The following CHIA variants were observed in gnomAD, a reference collection of about 807,000 sequenced individuals.
The protein encoded by CHIA is acidic mammalian chitinase.
CHIA carries 47 observed loss-of-function variants against 53.5 expected under a neutral mutation model. The ratio of observed to expected loss-of-function variants is 0.88; its 90% CI spans 0.70 to 1.12. The LOEUF (loss-of-function observed/expected upper bound fraction) is 1.12. Ranked by LOEUF, CHIA falls within the 50% of genes most tolerant of loss-of-function variation. The pLI is 0.00. For synonymous variants in CHIA, 268 were observed against 222.2 expected (o/e 1.21, Z -1.83); for missense variants, 652 against 592.2 (o/e 1.10, Z -1.05).
intron 1 of CHIA, among the ~76,000 whole-genome samples, chr1:111,303,269 A>G (rs1361372729): frequency 6.6e-6 from 1 of 152,072 alleles, no homozygotes; most frequent in Non-Finnish European, 1.5e-5. Context: ...ACTGATAAAG[A>G]GGGAATTATT....
At chr1:111,315,018 T>G in intron 5 of CHIA, 2 of 459,264 alleles carry the variant, frequency 4.4e-6, no homozygotes, top group South Asian at 3.4e-5. Flanking sequence ...GTTTGCCAGG[T>G]ATCCAAAGAA....
intron 1 of CHIA, among the ~76,000 whole-genome samples, chr1:111,295,508 A>C (rs1009375726): frequency 6.6e-6 from 1 of 152,234 alleles, no homozygotes; most frequent in African/African-American, 2.4e-5. Flanking sequence ...TAAAAGCCTC[A>C]TAATCCAACC....
chr1:111,300,342 C>T (rs916927193), intron 1 of CHIA, among the ~76,000 whole-genome samples: 16 of 152,162 alleles, frequency 1.1e-4, no homozygotes, highest in Admixed American at 7.2e-4. Flanking sequence ...TACTACAAGG[C>T]TACAGTAACC....
rs779690824 is a variant in CHIA at position 111,319,132 on chromosome 1, C to T, written c.928C>T (p.Leu310=). The change falls in exon 10 of 12, where the codon CTG becomes TTG. Residue 310 remains leucine, a synonymous_variant. Transcript: ENST00000369740. Reference sequence around the variant, plus strand: ...TGACTTTTGAAAGATCTGTACCTTCCTGAAAAATGGAGCCACTCAGGGATG... The same window carrying T: ...TGACTTTTGAAAGATCTGTACCTTCTTGAAAAATGGAGCCACTCAGGGATG... ...IWAYYEICTF[L]KNGATQGWDA... 1 of 1,614,006 alleles carries T rather than the reference C, an allele frequency of 6.2e-7. No homozygotes were observed. The highest frequency in any genetic ancestry group is 2.2e-5 in the East Asian group (1 of 44,878).
intron 1 of CHIA, among the ~76,000 whole-genome samples, chr1:111,292,242 A>G (rs12047540): frequency 0.044 from 6,744 of 152,254 alleles, 174 homozygotes; most frequent in African/African-American, 0.059. Context: ...CAACAACCCT[A>G]TAAGACAACA....
intron 1 of CHIA, among the ~76,000 whole-genome samples, chr1:111,306,385 G>A (rs1450439048): frequency 6.6e-6 from 1 of 152,122 alleles, no homozygotes; most frequent in East Asian, 1.9e-4. Context: ...AATTATGCTG[G>A]GGCAAGTAGT....
chr1:111,310,431 T>C lies in CHIA; in HGVS notation c.-37T>C, dbSNP rs371120238. 1.4e-6 allele frequency: 2 copies of C among 1,383,170 alleles called. No individual in the cohort carries two copies. The highest frequency in any genetic ancestry group is 1.6e-5 in the African/African-American group (1 of 63,284). The allele number at this position is 1,383,170 out of a possible 1,614,324, so 85.7% of individuals were successfully genotyped here. On this transcript the variant is annotated 5_prime_UTR_variant, in exon 2 of 12. Coordinates refer to ENST00000369740, the MANE Select transcript of CHIA (RefSeq NM_201653.4). Reference sequence around the variant, plus strand: ...TTGTGATAACCACAGAATCAGAACATATAAAAAGCTCTGCGGGACTGGTGC... The same window carrying C: ...TTGTGATAACCACAGAATCAGAACACATAAAAAGCTCTGCGGGACTGGTGC...
At chr1:111,306,643 TAAAG>T (rs2101627594) in intron 1 of CHIA, among the ~76,000 whole-genome samples, 1 of 152,172 alleles carries the variant, frequency 6.6e-6, no homozygotes, top group South Asian at 2.1e-4. Flanking sequence ...TAAGGCACCA[TAAAG>T]AGAGTGAAAA....
At chr1:111,309,328 A>G (rs772506528) in intron 1 of CHIA, among the ~76,000 whole-genome samples, 29 of 152,238 alleles carry the variant, frequency 1.9e-4, no homozygotes, top group Non-Finnish European at 3.1e-4. Flanking sequence ...CTGGACTCAC[A>G]AGAACTCTGC....
intron 1 of CHIA, among the ~76,000 whole-genome samples, chr1:111,299,547 G>A (rs1186493391): frequency 6.6e-6 from 1 of 152,096 alleles, no homozygotes; most frequent in Non-Finnish European, 1.5e-5. Flanking sequence ...AGCCCTTCAT[G>A]CTAAAAACTC....
At chr1:111,293,980 G>A (rs1661189495) in intron 1 of CHIA, among the ~76,000 whole-genome samples, 3 of 152,172 alleles carry the variant, frequency 2.0e-5, no homozygotes, top group Admixed American at 6.5e-5. Context: ...TAATCAGGAG[G>A]CTGAGGTGGG....
chr1:111,297,848 T>C (rs4838905), intron 1 of CHIA, among the ~76,000 whole-genome samples: 113,607 of 143,596 alleles, frequency 0.79, 44,302 homozygotes, highest in East Asian at 0.99. Context: ...TACAAAGACA[T>C]ACATAGGCTC....
At position 111,297,127 on chromosome 1, in the gene CHIA, T is replaced by C. The variant is rs190993596; in HGVS notation, c.-69+6177T>C. 1.6e-4 allele frequency among the ~76,000 whole-genome samples: 24 copies of C among 152,250 alleles called. No homozygotes were observed. In the East Asian group the frequency reaches 4.6e-3, roughly 29 times the overall value. ...GTGTACCTGAAAGTGACAGGGAGAA[T>C]GGAACCATGTTGGAAAACACTCTGC... On this transcript the variant is annotated intron_variant, in intron 1 of 11. Transcript: ENST00000369740.
rs184888009 is a variant in CHIA at position 111,310,588 on chromosome 1, C to T, written c.25+96C>T. On this transcript the variant is annotated intron_variant, in intron 2 of 11. Coordinates refer to ENST00000369740, the MANE Select transcript of CHIA (RefSeq NM_201653.4). ...ATGAAGTGGTCTTCATACTACATCC[C>T]TATACTTTTCCATTCTTCTTTCATC... 5.1e-6 allele frequency: 8 copies of T among 1,567,206 alleles called. No homozygotes were observed. The East Asian group carries it at 9.1e-5, about 18-fold the overall frequency.
chr1:111,320,095 T>C (rs530003187), intron 11 of CHIA, 118 bp from the exon 12 acceptor site: 2 of 825,898 alleles, frequency 2.4e-6, no homozygotes, highest in African/African-American at 1.7e-5. Context: ...GTTGCAGGGA[T>C]CCAGAGCCAA....
chr1:111,314,582 C>T lies in CHIA; in HGVS notation c.300C>T (p.Asn100=). 1 of 1,613,334 alleles carries T rather than the reference C, an allele frequency of 6.2e-7. No homozygotes were observed. Among genetic ancestry groups the T allele is most frequent in the Non-Finnish European group, 8.5e-7 (1 of 1,179,266 alleles). The part of the protein sequence containing the change: ...LKTLLAIGGW[N]FGTAPFTAMV... ...CTCTCCTGGCCATTGGAGGCTGGAACTTCGGGACTGCCCCGTAAGTCTTCT... is the reference window on the plus strand; with the variant it reads ...CTCTCCTGGCCATTGGAGGCTGGAATTTCGGGACTGCCCCGTAAGTCTTCT... The change falls in exon 5 of 12, where the codon AAC becomes AAT. Residue 100 remains asparagine (N), a synonymous_variant. Transcript: ENST00000369740.
intron 1 of CHIA, among the ~76,000 whole-genome samples, chr1:111,305,430 A>T (rs1229394547): frequency 6.6e-6 from 1 of 152,270 alleles, no homozygotes; most frequent in Middle Eastern, 3.4e-3. Flanking sequence ...AAGAGCACAG[A>T]TCTCTGATAG....
At chr1:111,308,671 C>T (rs562829896) in intron 1 of CHIA, among the ~76,000 whole-genome samples, 22 of 152,168 alleles carry the variant, frequency 1.4e-4, no homozygotes, top group Admixed American at 3.9e-4. Context: ...TGGTGTCATA[C>T]AACAATATGC....
At chr1:111,313,332 A>G (rs1268986470) in intron 4 of CHIA, among the ~76,000 whole-genome samples, 1 of 151,936 alleles carries the variant, frequency 6.6e-6, no homozygotes, top group Non-Finnish European at 1.5e-5. Context: ...CATCTTTTTG[A>G]TAACAGCCAT....
Sources: gnomAD v4.1 joint callset for allele counts (sites outside exome capture counted in the v4.1 genomes callset) on GRCh38, gnomAD v4.1.1 for gene constraint, MANE v1.5 for transcripts, NCBI Gene and HGNC (gene_info 2026-07-23, HGNC 2026-07-21) for gene names.